DST: variants seen among roughly 807,000 people sequenced by gnomAD.
The protein encoded by DST is dystonin, also known as bullous pemphigoid antigen.
Under a neutral mutation model 875.2 loss-of-function variants are expected in DST, and 253 were observed. The observed-to-expected ratio is 0.29, with a 90% CI of 0.26 to 0.32. The LOEUF (loss-of-function observed/expected upper bound fraction) is 0.32. DST is among the 10% of genes least tolerant of loss of function. The pLI is 1.00. For synonymous variants in DST, 3,124 were observed against 3,197.1 expected (o/e 0.98, Z 0.77); for missense variants, 8,287 against 9,111.6 (o/e 0.91, Z 3.68).
chr6:56,477,630 G>T, intron 90 of DST, 142 bp from the exon 91 acceptor site: 1 of 1,089,830 alleles, frequency 9.2e-7, no homozygotes, highest in Non-Finnish European at 1.3e-6. Flanking sequence ...TCTACTAATT[G>T]GGGAGGAAAA....
chr6:56,676,956 T>A (rs2099133668), intron 9 of DST, among the ~76,000 whole-genome samples: 1 of 152,142 alleles, frequency 6.6e-6, no homozygotes, highest in Non-Finnish European at 1.5e-5. Flanking sequence ...TAAATTTCTC[T>A]TACACAACAT....
intron 4 of DST, among the ~76,000 whole-genome samples, chr6:56,745,050 G>A (rs2099568512): frequency 2.0e-5 from 3 of 152,016 alleles, no homozygotes; most frequent in African/African-American, 4.8e-5. Context: ...ATAACTCTGA[G>A]CCTTAGCCAC....
chr6:56,518,169 C>A (rs1471721200), intron 69 of DST, among the ~76,000 whole-genome samples: 1 of 152,102 alleles, frequency 6.6e-6, no homozygotes, highest in Non-Finnish European at 1.5e-5. Flanking sequence ...TTAAGCATCT[C>A]ATTTAATAAT....
chr6:56,784,829 C>T (rs376584723), intron 4 of DST, among the ~76,000 whole-genome samples: 2 of 152,214 alleles, frequency 1.3e-5, no homozygotes, highest in Admixed American at 6.5e-5. Context: ...AGTTTTTCTG[C>T]TCTGTTTTTT....
In DST at chr6:56,628,043, G is replaced by C. The variant is rs367670667; in HGVS notation, c.4594C>G (p.Pro1532Ala). The change falls in exon 33 of 104, where the codon CCT becomes GCT. Residue 1532 changes from proline (P) to alanine (A), a missense_variant. Physicochemically the swap from Pro to Ala is conservative, Grantham distance 27. Transcript: ENST00000680361. ...GTGGCTAGGGTTTTACTATTTTCAG[G>C]CTGATTTTCCTGAATCTTTCTCTGA... Reference protein sequence around the residue: ...TTQRKIQENQPENSKTLATQL... With the variant: ...TTQRKIQENQAENSKTLATQL... 6.2e-7 allele frequency: 1 copy of C among 1,613,804 alleles called. No homozygotes were observed. The highest frequency in any genetic ancestry group is 1.7e-5 in the Admixed American group (1 of 60,008).
intron 74 of DST, among the ~76,000 whole-genome samples, chr6:56,509,115 G>A (rs773708721): frequency 7.2e-5 from 11 of 152,128 alleles, no homozygotes; most frequent in African/African-American, 9.7e-5. Flanking sequence ...AAAATTGTCC[G>A]TTCAGTCCCA....
chr6:56,769,754 C>G (rs1358595382), intron 4 of DST, among the ~76,000 whole-genome samples: 1 of 151,952 alleles, frequency 6.6e-6, no homozygotes, highest in Non-Finnish European at 1.5e-5. Context: ...GAGGTCAAGG[C>G]TGCAGTGAGC....
In DST at chr6:56,633,233, C is replaced by CTTTTTTTTTT. The variant is rs61647189; in HGVS notation, c.3622-206_3622-197dup. On this transcript the variant is annotated intron_variant, in intron 27 of 103. Transcript: ENST00000680361. ...TTTTGTTTTGAGACGGAGTTTCACT[C>CTTTTTTTTTT]TTTTTTTTTTTGAGACGGAGTCTCG... Among the ~76,000 whole-genome samples, 1,505 of 138,346 alleles carry CTTTTTTTTTT rather than the reference C, an allele frequency of 0.011. 104 individuals carry two copies. Among genetic ancestry groups the CTTTTTTTTTT allele is most frequent in the African/African-American group, 0.043 (1,398 of 32,592 alleles). 90.8% of individuals were successfully genotyped at this position (138,346 alleles called of 152,430 possible).
rs530922375 is a variant in DST, at chr6:56,665,985, G to A, written c.1214+4656C>T. On this transcript the variant is annotated intron_variant, in intron 10 of 103. Transcript: ENST00000680361. ...TGTATTTCTTAGGTAACTACTTTGT[G>A]ACTGTTACTTACTTTTTAACTTCAT... Among the ~76,000 whole-genome samples the A allele has an allele frequency of 2.0e-5, 3 of 152,274 alleles. No homozygotes were observed. In the South Asian group the frequency reaches 6.2e-4, roughly 32 times the overall value.
At position 56,527,483 on chromosome 6, in the gene DST, C is replaced by T. The variant is rs375241854; in HGVS notation, c.17922+10G>A. 3.7e-6 allele frequency: 6 copies of T among 1,610,760 alleles called. No individual in the cohort carries two copies. In the East Asian group the frequency reaches 1.3e-4, roughly 36 times the overall value. ...AAAGACTAATCCAAAATGCAGAAATCAGAGCTTACCTTTGGTCTCATTTGT... is the reference window on the plus strand; with the variant it reads ...AAAGACTAATCCAAAATGCAGAAATTAGAGCTTACCTTTGGTCTCATTTGT... On this transcript the variant is annotated intron_variant, in intron 68 of 103. Coordinates refer to ENST00000680361, the MANE Select transcript of DST (RefSeq NM_001374736.1).
Position 56,553,593 on chromosome 6 carries a change from T to C in DST, c.15199A>G (p.Arg5067Gly), listed in dbSNP as rs768224900. 2.0e-5 allele frequency: 32 copies of C among 1,613,638 alleles called. No individual in the cohort carries two copies. Among genetic ancestry groups the C allele is most frequent in the Non-Finnish European group, 2.4e-5 (28 of 1,179,772 alleles). Reference sequence around the variant, plus strand: ...GTATCCAGCCAAGCCTGAAAATCTCTAGACATTTGCTGAAATTGATGAGAG... The same window carrying C: ...GTATCCAGCCAAGCCTGAAAATCTCCAGACATTTGCTGAAATTGATGAGAG... ...ASSHQFQQMS[R>G]DFQAWLDTKK... is the part of the protein sequence containing the mutation. Residue 5067 changes from arginine (R) to glycine (G), a missense_variant, in exon 61 of 104, where the codon AGA (arginine) becomes GGA (glycine). Coordinates refer to ENST00000680361, the MANE Select transcript of DST (RefSeq NM_001374736.1).
chr6:56,504,184 A>G, intron 77 of DST, 86 bp from the exon 78 acceptor site: 1 of 803,658 alleles, frequency 1.2e-6, no homozygotes, highest in Non-Finnish European at 2.0e-6. Flanking sequence ...AAATACAATC[A>G]TAAATCTAAA....
chr6:56,872,214 C>G (rs1006090533), intron 3 of DST, among the ~76,000 whole-genome samples: 3 of 151,930 alleles, frequency 2.0e-5, no homozygotes, highest in African/African-American at 7.3e-5. Context: ...TATAGTCATA[C>G]AAAAGTTGAA....
At position 56,492,959 on chromosome 6, in the gene DST, A is replaced by C; in HGVS notation, c.20525T>G (p.Val6842Gly). 1.2e-6 allele frequency: 2 copies of C among 1,611,048 alleles called. No individual in the cohort carries two copies. The highest frequency in any genetic ancestry group is 1.7e-6 in the Non-Finnish European group (2 of 1,178,550). ...ASRPSLILDT[V>G]LFQIDEHKVF... is the part of the protein sequence containing the mutation. ...CTTGTGTTCGTCAATTTGAAATAAG[A>C]CTGTGTCCAAGATGAGACTTGGCCG... is the stretch of plus-strand genomic sequence containing the variant. Residue 6842 changes from valine to glycine, a missense_variant, in exon 84 of 104, where the codon GTC becomes GGC. Physicochemically the swap from Val to Gly is moderately radical, Grantham distance 109 (BLOSUM62 -3). Coordinates refer to ENST00000680361, the MANE Select transcript of DST (RefSeq NM_001374736.1).
At chr6:56,948,769 T>C (rs1441815729) in intron 2 of DST, among the ~76,000 whole-genome samples, 1 of 152,226 alleles carries the variant, frequency 6.6e-6, no homozygotes, top group Non-Finnish European at 1.5e-5. Flanking sequence ...TCCTTTTCTA[T>C]ACATAATTTG....
intron 2 of DST, among the ~76,000 whole-genome samples, chr6:56,905,897 T>C (rs1175220436): frequency 1.3e-5 from 2 of 152,118 alleles, no homozygotes; most frequent in Non-Finnish European, 2.9e-5. Flanking sequence ...GATCCACCCA[T>C]CTCGGCCTTC....
intron 13 of DST, 142 bp from the exon 14 acceptor site, chr6:56,646,324 A>T: frequency 2.0e-6 from 1 of 493,658 alleles, no homozygotes; most frequent in Non-Finnish European, 3.5e-6. Flanking sequence ...CTCAAAGACA[A>T]TACCAATTTC....
chr6:56,605,255 T>C lies in DST; in HGVS notation c.9373A>G (p.Ile3125Val). The change falls in exon 40 of 104, where the codon ATA (isoleucine) becomes GTA (valine). Residue 3125 changes from isoleucine (I) to valine (V), a missense_variant. Ile to Val is a conservative substitution (Grantham distance 29). This residue lies in a region of DST where 3,138 missense variants were observed against 3,116.6 expected (regional missense o/e 1.01). Transcript: ENST00000680361. ...TLKDEPNNLQIIVSKSPVQFE... is the reference protein window; with the variant it reads ...TLKDEPNNLQVIVSKSPVQFE... ...TGAACAGGACTTTTACTAACTATTA[T>C]TTGTAGATTATTTGGTTCATCTTTA... is the stretch of plus-strand genomic sequence containing the variant. 6.2e-7 allele frequency: 1 copy of C among 1,610,902 alleles called. No individual in the cohort carries two copies. Among genetic ancestry groups the C allele is most frequent in the South Asian group, 1.1e-5 (1 of 90,862 alleles).
chr6:56,801,747 ATTTTTT>A (rs200681543), intron 4 of DST, among the ~76,000 whole-genome samples: 14 of 132,380 alleles, frequency 1.1e-4, no homozygotes, highest in African/African-American at 3.7e-4. Flanking sequence ...TCACACAATA[ATTTTTT>A]TTTTTTTTTT....
Sources: allele counts gnomAD v4.1 joint callset (sites outside exome capture counted in the v4.1 genomes callset), GRCh38; gene constraint gnomAD v4.1.1; regional missense constraint gnomAD v4.1.1; transcripts MANE v1.5; gene names NCBI Gene and HGNC (gene_info 2026-07-23, HGNC 2026-07-21).